UBAC2: variants seen among roughly 807,000 people sequenced by gnomAD.
The protein encoded by UBAC2 is UBA domain containing 2, also known as ubiquitin-associated domain-containing protein 2.
UBAC2 carries 26 observed loss-of-function variants against 44.0 expected under a neutral mutation model. The ratio of observed to expected loss-of-function variants is 0.59; its 90% confidence interval spans 0.43 to 0.82. The LOEUF (loss-of-function observed/expected upper bound fraction) is 0.82, where lower values mean the gene tolerates loss of function less well. Ranked by LOEUF, UBAC2 falls within the 40% of genes least tolerant of loss-of-function variation. The pLI, the probability that UBAC2 is intolerant of heterozygous loss-of-function variation, is 0.00. For synonymous variants in UBAC2, 155 were observed against 154.3 expected (o/e 1.00, Z -0.04); for missense variants, 329 against 419.4 (o/e 0.78, Z 1.88).
intron 1 of UBAC2, among the ~76,000 whole-genome samples, chr13:99,211,785 C>T (rs1022571230): frequency 2.0e-5 from 3 of 152,194 alleles, no homozygotes; most frequent in Non-Finnish European, 4.4e-5. Context: ...CCACTGGGAT[C>T]GTCTCAGGCG....
In UBAC2 at chr13:99,211,289, A is replaced by C. The variant is rs534005724; in HGVS notation, c.31+10350A>C. Among the ~76,000 whole-genome samples the C allele has an allele frequency of 4.1e-4, 63 of 152,324 alleles. No homozygotes were observed. In the South Asian group the frequency reaches 5.2e-3, roughly 13 times the overall value. On this transcript the variant is annotated intron_variant, in intron 1 of 8. Coordinates refer to ENST00000403766, the MANE Select transcript of UBAC2 (RefSeq NM_001144072.2). ...TAGCTAGTAGTATGTGGAAGAGCTG[A>C]GATTTGACTCCGATTTGCCTGCGTC...
chr13:99,346,030 C>T (rs1040216201), intron 7 of UBAC2, among the ~76,000 whole-genome samples: 4 of 152,156 alleles, frequency 2.6e-5, no homozygotes, highest in African/African-American at 4.8e-5. Flanking sequence ...CGTGAGCCAC[C>T]GCACACAGCC....
chr13:99,245,364 C>G (rs1021174226), intron 4 of UBAC2, among the ~76,000 whole-genome samples: 1 of 152,132 alleles, frequency 6.6e-6, no homozygotes, highest in Non-Finnish European at 1.5e-5. Flanking sequence ...TAAACACTTC[C>G]ATCAAACATA....
At chr13:99,337,531 G>A (rs375208806) in intron 6 of UBAC2, among the ~76,000 whole-genome samples, 31 of 152,104 alleles carry the variant, frequency 2.0e-4, no homozygotes, top group African/African-American at 6.7e-4. Context: ...TGTAAATTTC[G>A]TTTTAGCATT....
intron 1 of UBAC2, among the ~76,000 whole-genome samples, chr13:99,209,863 CTCGGG>C (rs1292350247): frequency 6.6e-6 from 1 of 152,134 alleles, no homozygotes; most frequent in African/African-American, 2.4e-5. Flanking sequence ...ATCCCAGCTA[CTCGGG>C]AGGCTGAGGC....
At chr13:99,338,827 A>G (rs1205971519) in intron 6 of UBAC2, among the ~76,000 whole-genome samples, 1 of 152,220 alleles carries the variant, frequency 6.6e-6, no homozygotes, top group African/African-American at 2.4e-5. Context: ...CATTAGATAT[A>G]GCTGACCATC....
intron 8 of UBAC2, among the ~76,000 whole-genome samples, chr13:99,369,810 T>C (rs1411761128): frequency 1.3e-5 from 2 of 152,360 alleles, no homozygotes; most frequent in East Asian, 3.9e-4. Flanking sequence ...GTTCATATCC[T>C]GAAAAGGACC....
intron 1 of UBAC2, among the ~76,000 whole-genome samples, chr13:99,205,078 A>G (rs541649028): frequency 4.6e-5 from 7 of 151,710 alleles, no homozygotes; most frequent in Non-Finnish European, 8.8e-5. Context: ...TAATTTTTGT[A>G]TTTTTGCTAG....
At chr13:99,255,085 CTG>C in intron 4 of UBAC2, 1 of 1,614,108 alleles carries the variant, frequency 6.2e-7, no homozygotes, top group Non-Finnish European at 8.5e-7. Flanking sequence ...GGGATTGTAA[CTG>C]TTCTCCCCCG....
chr13:99,202,216 T>C (rs1000327534), intron 1 of UBAC2, among the ~76,000 whole-genome samples: 4 of 152,224 alleles, frequency 2.6e-5, no homozygotes, highest in African/African-American at 9.6e-5. Flanking sequence ...ACTTCTCAGG[T>C]TTTGAAGTGG....
At chr13:99,204,826 A>G (rs1350132613) in intron 1 of UBAC2, among the ~76,000 whole-genome samples, 4 of 151,940 alleles carry the variant, frequency 2.6e-5, no homozygotes, top group Non-Finnish European at 5.9e-5. Flanking sequence ...AGTGCTTTCA[A>G]GATCTCGGTT....
At position 99,216,834 on chromosome 13, in the gene UBAC2, C is replaced by CTTTTTTT. The variant is rs11338165; in HGVS notation, c.31+15902_31+15908dup. Among the ~76,000 whole-genome samples, 530 of 140,630 alleles carry CTTTTTTT rather than the reference C, an allele frequency of 3.8e-3. 8 individuals carry two copies. Among genetic ancestry groups the CTTTTTTT allele is most frequent in the South Asian group, 9.7e-3 (43 of 4,414 alleles). 92.3% of individuals were successfully genotyped at this position (140,630 alleles called of 152,430 possible). On this transcript the variant is annotated intron_variant, in intron 1 of 8. Coordinates refer to ENST00000403766, the MANE Select transcript of UBAC2 (RefSeq NM_001144072.2). ...TTTTTGTTGGACTCTTTTCTTTTTT[C>CTTTTTTT]TTTTTTTTTTTTTGAGACGAAGTCT...
At chr13:99,275,958 T>G (rs1020994743) in intron 4 of UBAC2, among the ~76,000 whole-genome samples, 2 of 152,202 alleles carry the variant, frequency 1.3e-5, no homozygotes, top group Admixed American at 6.5e-5. Context: ...TACTCTCCAC[T>G]CTAATACCTG....
intron 4 of UBAC2, among the ~76,000 whole-genome samples, chr13:99,268,325 G>A (rs939712326): frequency 2.6e-5 from 4 of 152,148 alleles, no homozygotes; most frequent in Non-Finnish European, 5.9e-5. Context: ...ATGAAACATA[G>A]AAGGAGGCCA....
intron 6 of UBAC2, among the ~76,000 whole-genome samples, chr13:99,329,133 C>A: frequency 6.6e-6 from 1 of 152,206 alleles, no homozygotes; most frequent in East Asian, 1.9e-4. Flanking sequence ...TGACTCTTTT[C>A]TTTCCCAGTT....
At chr13:99,278,651 G>A (rs1247435465) in intron 4 of UBAC2, among the ~76,000 whole-genome samples, 1 of 152,064 alleles carries the variant, frequency 6.6e-6, no homozygotes, top group African/African-American at 2.4e-5. Flanking sequence ...AATTTGAAGC[G>A]ATCACATTAA....
At chr13:99,293,920 A>G (rs1290986913) in intron 4 of UBAC2, among the ~76,000 whole-genome samples, 3 of 152,202 alleles carry the variant, frequency 2.0e-5, no homozygotes, top group Non-Finnish European at 2.9e-5. Flanking sequence ...ATCTACCATT[A>G]TAAAAATTGG....
intron 5 of UBAC2, 39 bp downstream of exon 5, chr13:99,314,259 G>GAT (rs755347303): frequency 9.2e-5 from 98 of 1,062,626 alleles, no homozygotes; most frequent in African/African-American, 1.1e-4. Flanking sequence ...TCTTTAACCA[G>GAT]ATCTTTTTTT....
chr13:99,253,706 G>T (rs187105893), intron 4 of UBAC2, among the ~76,000 whole-genome samples: 6 of 152,122 alleles, frequency 3.9e-5, no homozygotes, highest in Admixed American at 1.3e-4. Context: ...TAGAGATGAG[G>T]TTTCACCATA....
Sources: gnomAD v4.1 joint callset for allele counts (sites outside exome capture counted in the v4.1 genomes callset) on GRCh38, gnomAD v4.1.1 for gene constraint, MANE v1.5 for transcripts, NCBI Gene and HGNC (gene_info 2026-07-23, HGNC 2026-07-21) for gene names.